SOS1: variants seen among roughly 807,000 people sequenced by gnomAD.
The protein encoded by SOS1 is SOS Ras/Rac guanine nucleotide exchange factor 1.
In SOS1, 25 loss-of-function variants were observed where a neutral mutation model predicts 157.6. The ratio of observed to expected loss-of-function variants is 0.16; its 90% CI spans 0.12 to 0.22. The LOEUF (loss-of-function observed/expected upper bound fraction) is 0.22. Ranked by LOEUF, SOS1 falls within the 10% of genes least tolerant of loss-of-function variation. SOS1 has a pLI of 1.00. For synonymous variants in SOS1, 528 were observed against 534.0 expected (o/e 0.99, Z 0.16); for missense variants, 1,237 against 1,599.1 (o/e 0.77, Z 3.86).
At chr2:39,122,543 C>T (rs1043679814), upstream of SOS1, among the ~76,000 whole-genome samples, 4 of 151,158 alleles carry the variant, frequency 2.6e-5, no homozygotes, top group South Asian at 2.2e-4. Flanking sequence ...CCGAGGTGGG[C>T]GGACCATTTG....
chr2:39,120,027 C>T (rs1234088642), intron 1 of SOS1, among the ~76,000 whole-genome samples: 1 of 152,206 alleles, frequency 6.6e-6, no homozygotes, highest in African/African-American at 2.4e-5. Context: ...CTGCTTTGAC[C>T]TCCGCTGAAA....
At chr2:38,992,592 G>A (rs768940768) in intron 20 of SOS1, 1 of 152,198 alleles carries the variant, frequency 6.6e-6, no homozygotes, top group African/African-American at 2.4e-5. Flanking sequence ...CACTAGTAGA[G>A]AACTTAATAT....
intron 1 of SOS1, among the ~76,000 whole-genome samples, chr2:39,068,347 G>A (rs1398087032): frequency 6.6e-6 from 1 of 152,162 alleles, no homozygotes. Flanking sequence ...CTGAGGTGAT[G>A]ATAAAAGATA....
chr2:38,995,477 A>C (rs560731217), intron 19 of SOS1, 90 bp from the exon 20 acceptor site: 2 of 956,856 alleles, frequency 2.1e-6, no homozygotes, highest in Admixed American at 3.6e-5. Context: ...TTCAGCTAAT[A>C]TACAGGAAAA....
intron 20 of SOS1, among the ~76,000 whole-genome samples, chr2:38,991,733 TG>T (rs1171578073): frequency 6.6e-6 from 1 of 152,208 alleles, no homozygotes; most frequent in Non-Finnish European, 1.5e-5. Context: ...CCAGTATTTA[TG>T]TCTTTACCAC....
intron 8 of SOS1, among the ~76,000 whole-genome samples, chr2:39,033,965 A>C (rs183271589): frequency 6.1e-4 from 93 of 152,350 alleles, no homozygotes; most frequent in African/African-American, 2.2e-3. Flanking sequence ...ATTACAAAGA[A>C]AAATTCTATA....
intron 20 of SOS1, chr2:38,992,821 G>C (rs1002470291): frequency 1.3e-5 from 2 of 152,188 alleles, no homozygotes; most frequent in Non-Finnish European, 2.9e-5. Context: ...CTGAAAAGGT[G>C]CTGGTTTCAT....
At chr2:39,075,588 G>GAGTCTAGAAGTCCGAGA (rs1671941738) in intron 1 of SOS1, among the ~76,000 whole-genome samples, 1 of 150,816 alleles carries the variant, frequency 6.6e-6, no homozygotes, top group Non-Finnish European at 1.5e-5. Context: ...AGGATTACCT[G>GAGTCTAGAAGTCCGAGA]AGTCTAGGAG....
chr2:39,097,623 T>C (rs1672819376), intron 1 of SOS1, among the ~76,000 whole-genome samples: 1 of 152,048 alleles, frequency 6.6e-6, no homozygotes, highest in South Asian at 2.1e-4. Context: ...AGCAGCGCCA[T>C]CTCAGCTCAT....
chr2:39,101,186 A>T (rs1377325612), intron 1 of SOS1, among the ~76,000 whole-genome samples: 1 of 152,248 alleles, frequency 6.6e-6, no homozygotes, highest in African/African-American at 2.4e-5. Flanking sequence ...AGAGAGGGGA[A>T]GTGTGTCACA....
rs571944682 is a variant in SOS1, at chr2:39,074,423, A to C, written c.88-6670T>G. 8.0e-4 allele frequency among the ~76,000 whole-genome samples: 122 copies of C among 152,106 alleles called. 2 individuals carry two copies. The highest frequency in any genetic ancestry group is 7.6e-4 in the Non-Finnish European group (52 of 67,998). The stretch of plus-strand genomic sequence containing the variant: ...AAACCCCATCTCTACCAAAAATACA[A>C]AACTTAGCCAGCCGTGGTGGTGCAC... On this transcript the variant is annotated intron_variant, in intron 1 of 22. Coordinates refer to ENST00000402219, the MANE Select transcript of SOS1 (RefSeq NM_005633.4).
chr2:38,990,843 T>C (rs1668711100), intron 20 of SOS1, among the ~76,000 whole-genome samples: 1 of 152,212 alleles, frequency 6.6e-6, no homozygotes, highest in Non-Finnish European at 1.5e-5. Flanking sequence ...GAAAATACTA[T>C]AGAAATTCTT....
At chr2:39,042,122 G>A (rs528479722) in intron 6 of SOS1, among the ~76,000 whole-genome samples, 85 of 152,194 alleles carry the variant, frequency 5.6e-4, no homozygotes, top group African/African-American at 2.0e-3. Flanking sequence ...TGGCTTCATA[G>A]TAAGTCTTAA....
chr2:38,988,945 C>CTTTT (rs3085353), intron 21 of SOS1, among the ~76,000 whole-genome samples: 5,328 of 141,848 alleles, frequency 0.038, 163 homozygotes, highest in Non-Finnish European at 0.05. Context: ...ATGCTCTTGC[C>CTTTT]TTTTTTTTTT....
chr2:39,064,742 A>ATTTTTTTTTTTTTTTTTTTTT (rs4015841), intron 2 of SOS1, among the ~76,000 whole-genome samples: 1 of 74,816 alleles, frequency 1.3e-5, no homozygotes. Flanking sequence ...TTTAAAATAC[A>ATTTTTTTTTTTTTTTTTTTTT]TTTTTTTTTT....
At chr2:39,075,987 C>T (rs1303691780) in intron 1 of SOS1, among the ~76,000 whole-genome samples, 1 of 152,164 alleles carries the variant, frequency 6.6e-6, no homozygotes, top group Non-Finnish European at 1.5e-5. Flanking sequence ...TGTAATTTTA[C>T]CTTTCCAGAA....
rs1284864769 is a variant in SOS1, at chr2:39,013,921, A to C, written c.2009T>G (p.Leu670Trp). Residue 670 changes from leucine to tryptophan, a missense_variant, in exon 12 of 23, where the codon TTG (leucine) becomes TGG (tryptophan). Physicochemically the swap from Leu to Trp is moderately conservative, Grantham distance 61. This residue lies in a region of SOS1 where 55 missense variants were observed against 43.1 expected (regional missense o/e 1.27). Transcript: ENST00000402219. ...RIAIENGDQP[L>W]SAELKRFRKE... ...TCTAAATCTTTTCAGTTCTGCACTC[A>C]AGGGTTGATCTCCATTCTCTATAGC... is the stretch of plus-strand genomic sequence containing the variant. The C allele has an allele frequency of 6.2e-7, 1 of 1,607,716 alleles. No individual in the cohort carries two copies.
rs1418446263 is a variant in SOS1, at chr2:39,067,702, A to G, written c.139T>C (p.Tyr47His). Reference protein sequence around the residue: ...TLESNDDALQYVEELILQLLN... With the variant: ...TLESNDDALQHVEELILQLLN... ...AATTGCAAAATTAATTCTTCAACAT[A>G]CTGAAGAGCATCATCATTAGACTCG... The change falls in exon 2 of 23, where the codon TAT becomes CAT. Residue 47 changes from tyrosine to histidine, a missense_variant. By Grantham distance (83) the Tyr-to-His change is moderately conservative (BLOSUM62 2). Coordinates refer to ENST00000402219, the MANE Select transcript of SOS1 (RefSeq NM_005633.4). 1 of 1,607,616 alleles carries G rather than the reference A, an allele frequency of 6.2e-7. No individual in the cohort carries two copies. Among genetic ancestry groups the G allele is most frequent in the Admixed American group, 1.7e-5 (1 of 60,024 alleles).
At chr2:39,008,945 C>T (rs1669369834) in intron 15 of SOS1, among the ~76,000 whole-genome samples, 1 of 116,396 alleles carries the variant, frequency 8.6e-6, no homozygotes, top group Non-Finnish European at 1.6e-5. Flanking sequence ...GAAAGTATGA[C>T]TCTTACAAGG....
Sources: gnomAD v4.1 joint callset for allele counts (sites outside exome capture counted in the v4.1 genomes callset) on GRCh38, gnomAD v4.1.1 for gene constraint, gnomAD v4.1.1 regional missense constraint, MANE v1.5 for transcripts, NCBI Gene and HGNC (gene_info 2026-07-23, HGNC 2026-07-21) for gene names.